The following SNTG1 variants were observed in gnomAD, a reference collection of about 807,000 sequenced individuals.
SNTG1 encodes syntrophin gamma 1, also known as gamma-1-syntrophin.
A neutral mutation model predicts 74.7 loss-of-function variants in SNTG1; 39 were observed. That is an observed-to-expected ratio of 0.52 (90% CI 0.40 to 0.68). The LOEUF (loss-of-function observed/expected upper bound fraction) is 0.68. Among genes scored for constraint, SNTG1 ranks in the 30% least tolerant of loss-of-function variants. SNTG1 has a pLI of 0.00. For missense variants in SNTG1, 685 were observed against 609.5 expected (o/e 1.12, Z -1.30); for synonymous variants, 254 against 217.1 (o/e 1.17, Z -1.49).
intron 8 of SNTG1, among the ~76,000 whole-genome samples, chr8:50,502,299 A>T (rs959811251): frequency 6.6e-6 from 1 of 152,192 alleles, no homozygotes; most frequent in African/African-American, 2.4e-5. Context: ...TCTGGTCAAT[A>T]TTGGCAGAAT....
chr8:50,585,299 C>T (rs1169892204), intron 12 of SNTG1, among the ~76,000 whole-genome samples: 2 of 152,150 alleles, frequency 1.3e-5, no homozygotes, highest in Admixed American at 6.6e-5. Flanking sequence ...TGGTCTAAGC[C>T]ATTCTGCTCC....
At chr8:50,669,224 AAC>A (rs894638183) in intron 15 of SNTG1, among the ~76,000 whole-genome samples, 2 of 152,124 alleles carry the variant, frequency 1.3e-5, no homozygotes, top group Admixed American at 1.3e-4. Flanking sequence ...TTAAAAAAAA[AAC>A]CCTTCAAAGA....
chr8:50,420,122 A>G (rs988439295), intron 4 of SNTG1, among the ~76,000 whole-genome samples: 1 of 152,168 alleles, frequency 6.6e-6, no homozygotes, highest in Non-Finnish European at 1.5e-5. Flanking sequence ...TAAAAAACAT[A>G]AAGGCTGAAA....
At chr8:49,966,409 T>C (rs1811145945) in intron 1 of SNTG1, among the ~76,000 whole-genome samples, 1 of 151,952 alleles carries the variant, frequency 6.6e-6, no homozygotes, top group Non-Finnish European at 1.5e-5. Context: ...TAATTTTTTT[T>C]TTTTTGACAG....
At chr8:50,442,289 A>G (rs897604479) in intron 5 of SNTG1, among the ~76,000 whole-genome samples, 13 of 152,208 alleles carry the variant, frequency 8.5e-5, no homozygotes, top group African/African-American at 3.1e-4. Context: ...TCAAATGAGT[A>G]ACTGAGCCAT....
At chr8:50,155,627 T>C (rs948418671) in intron 1 of SNTG1, among the ~76,000 whole-genome samples, 1 of 151,980 alleles carries the variant, frequency 6.6e-6, no homozygotes, top group African/African-American at 2.4e-5. Flanking sequence ...TGAGAAATTA[T>C]AGATAATTTA....
chr8:50,123,738 A>C (rs2081064172), intron 1 of SNTG1, among the ~76,000 whole-genome samples: 1 of 141,888 alleles, frequency 7.0e-6, no homozygotes, highest in Non-Finnish European at 1.6e-5. Context: ...AAAAGAAGGG[A>C]CATCTTCAAG....
chr8:50,425,331 A>C (rs1455449431), intron 4 of SNTG1, among the ~76,000 whole-genome samples: 3 of 151,458 alleles, frequency 2.0e-5, no homozygotes. Flanking sequence ...GCCTCCCATC[A>C]GATCATCAGC....
At chr8:50,197,018 C>CAG (rs774960357) in intron 2 of SNTG1, among the ~76,000 whole-genome samples, 1 of 151,710 alleles carries the variant, frequency 6.6e-6, no homozygotes, top group Non-Finnish European at 1.5e-5. Context: ...AAGTAGCATA[C>CAG]AGAGAGAGAA....
chr8:50,211,737 A>G (rs1048438273), intron 2 of SNTG1, among the ~76,000 whole-genome samples: 1 of 152,142 alleles, frequency 6.6e-6, no homozygotes, highest in Non-Finnish European at 1.5e-5. Context: ...TATTTTCATA[A>G]GAAACATTGC....
chr8:50,285,953 TC>T (rs1294648995), intron 2 of SNTG1, among the ~76,000 whole-genome samples: 5 of 152,154 alleles, frequency 3.3e-5, no homozygotes, highest in Admixed American at 6.6e-5. Flanking sequence ...CTACTTTATT[TC>T]TTTTTCTATT....
chr8:50,319,341 G>T (rs77267166), intron 2 of SNTG1, among the ~76,000 whole-genome samples: 36 of 150,990 alleles, frequency 2.4e-4, no homozygotes, highest in African/African-American at 8.5e-4. Flanking sequence ...TCCAGCCTGG[G>T]GGACAAAGCA....
chr8:50,454,829 TAAAAAAA>T (rs1158732952), intron 8 of SNTG1, among the ~76,000 whole-genome samples: 1 of 95,148 alleles, frequency 1.1e-5, no homozygotes, highest in Admixed American at 1.3e-4. Context: ...CAGACAGAGC[TAAAAAAA>T]AAAAAAAAAA....
chr8:50,093,493 T>G (rs1247158710), intron 1 of SNTG1, among the ~76,000 whole-genome samples: 1 of 152,036 alleles, frequency 6.6e-6, no homozygotes, highest in Admixed American at 6.6e-5. Flanking sequence ...CACTCCTGAG[T>G]GGTTTCTGTG....
chr8:50,023,065 C>A (rs1427331021), intron 1 of SNTG1, among the ~76,000 whole-genome samples: 2 of 152,102 alleles, frequency 1.3e-5, no homozygotes, highest in Non-Finnish European at 2.9e-5. Context: ...TCTGAGAAAT[C>A]CGGTCCCCAA....
chr8:50,496,244 C>T (rs535334015), intron 8 of SNTG1, among the ~76,000 whole-genome samples: 17 of 152,230 alleles, frequency 1.1e-4, no homozygotes, highest in South Asian at 6.2e-4. Context: ...GGCAGAAATA[C>T]GTCAATCTGA....
At chr8:50,302,817 G>C (rs1468550401) in intron 2 of SNTG1, among the ~76,000 whole-genome samples, 1 of 152,142 alleles carries the variant, frequency 6.6e-6, no homozygotes, top group Non-Finnish European at 1.5e-5. Context: ...CTCCACAGCT[G>C]TGAGCCAAAG....
intron 1 of SNTG1, among the ~76,000 whole-genome samples, chr8:49,932,238 C>T (rs1000828098): frequency 2.0e-5 from 3 of 152,102 alleles, no homozygotes; most frequent in African/African-American, 7.2e-5. Context: ...ATAGTAAGTG[C>T]TCAAACACAT....
At position 50,504,089 on chromosome 8, in the gene SNTG1, G is replaced by A. The variant is rs1489627971; in HGVS notation, c.466+1209G>A. Among the ~76,000 whole-genome samples the A allele has an allele frequency of 2.0e-5, 3 of 152,300 alleles. No individual in the cohort carries two copies. The East Asian group carries it at 5.8e-4, about 29-fold the overall frequency. ...TCTCACTTGTAAGTGAGAATGTGAA[G>A]TATTTGGTTTTCTGTTCCTGTGTTA... is the stretch of plus-strand genomic sequence containing the variant. On this transcript the variant is annotated intron_variant, in intron 9 of 18. Coordinates refer to ENST00000642720, the MANE Select transcript of SNTG1 (RefSeq NM_018967.5).
Sources: gnomAD v4.1 joint callset for allele counts (sites outside exome capture counted in the v4.1 genomes callset) on GRCh38, gnomAD v4.1.1 for gene constraint, MANE v1.5 for transcripts, NCBI Gene and HGNC (gene_info 2026-07-23, HGNC 2026-07-21) for gene names.